The following JMJD1C variants were observed in gnomAD, a reference collection of about 807,000 sequenced individuals.
JMJD1C encodes the protein jumonji domain containing 1C, also known as jumonji domain-containing protein 1C.
JMJD1C carries 31 observed loss-of-function variants against 245.3 expected under a neutral mutation model. The ratio of observed to expected loss-of-function variants is 0.13; its 90% CI spans 0.09 to 0.17. The LOEUF is 0.17. Ranked by LOEUF, JMJD1C falls within the 10% of genes least tolerant of loss-of-function variation. The pLI, the probability that JMJD1C is intolerant of heterozygous loss-of-function variation, is 1.00. For synonymous variants in JMJD1C, 1,057 were observed against 1,017.4 expected, an observed-to-expected ratio of 1.04 and a Z score of -0.74; for missense variants, 2,691 against 3,000.2, an observed-to-expected ratio of 0.90 and a Z score of 2.41.
rs573065816 is a variant in JMJD1C, at chr10:63,292,144, A to ATTTTT, written c.334-27385_334-27381dup. 8.2e-4 allele frequency among the ~76,000 whole-genome samples: 46 copies of ATTTTT among 56,346 alleles called. 7 individuals carry two copies. Among genetic ancestry groups the ATTTTT allele is most frequent in the South Asian group, 3.2e-3 (4 of 1,254 alleles). The allele number at this position is 56,346 out of a possible 152,430, so 37.0% of individuals were successfully genotyped here. A position where few individuals can be genotyped will look rare whatever the true frequency, so the allele number is the denominator to read the frequency against. Reference sequence around the variant, plus strand: ...TTTTTTTTAGTTTCTGTAGAGACAGATTTTTTTTTTTTTTTTTTTGCCTAG... The same window carrying ATTTTT: ...TTTTTTTTAGTTTCTGTAGAGACAGATTTTTTTTTTTTTTTTTTTTTTTTGCCTAG... On this transcript the variant is annotated intron_variant, in intron 2 of 25. Transcript: ENST00000399262.
chr10:63,213,838 T>C lies in JMJD1C; in HGVS notation c.2329A>G (p.Ile777Val), dbSNP rs377284540. Residue 777 changes from isoleucine to valine, a missense_variant, in exon 8 of 26, where the codon ATT (isoleucine) becomes GTT (valine). Physicochemically the swap from Ile to Val is conservative, Grantham distance 29. This residue lies in a region of JMJD1C where 1,562 missense variants were observed against 1,490.7 expected (regional missense o/e 1.05). Coordinates refer to ENST00000399262, the MANE Select transcript of JMJD1C (RefSeq NM_032776.3). ...CCACTAGTCAGAGGATGAGTGTTAA[T>C]GGTAGGTAATGGAGTTTGACTAGAT... ...GSSSQTPLPT[I>V]NTHPLTSGPH... The C allele has an allele frequency of 5.0e-6, 8 of 1,613,920 alleles. No individual in the cohort carries two copies. The highest frequency in any genetic ancestry group is 3.3e-5 in the South Asian group (3 of 91,078).
chr10:63,215,046 T>C lies in JMJD1C; in HGVS notation c.1121A>G (p.Asp374Gly). 6.2e-7 allele frequency: 1 copy of C among 1,607,990 alleles called. No homozygotes were observed. The highest frequency in any genetic ancestry group is 8.5e-7 in the Non-Finnish European group (1 of 1,177,630). ...MKRLRTDNVSDFSESSDSENS... is the reference protein window; with the variant it reads ...MKRLRTDNVSGFSESSDSENS... ...TTCTGAGTCACTGCTCTCAGAAAAG[T>C]CTGAAACATTGTCAGTTCGAAGTCT... The change falls in exon 8 of 26, where the codon GAC becomes GGC. Residue 374 changes from aspartate to glycine, a missense_variant. This residue lies in a region of JMJD1C where 1,562 missense variants were observed against 1,490.7 expected (regional missense o/e 1.05). Transcript: ENST00000399262.
chr10:63,309,506 A>G (rs1938834212), intron 2 of JMJD1C, among the ~76,000 whole-genome samples: 1 of 150,220 alleles, frequency 6.7e-6, no homozygotes, highest in African/African-American at 2.5e-5. Context: ...AAAAAAAAAA[A>G]AAAAAAAAAA....
intron 3 of JMJD1C, among the ~76,000 whole-genome samples, chr10:63,226,564 T>C (rs902820570): frequency 1.3e-5 from 2 of 150,350 alleles, no homozygotes; most frequent in Non-Finnish European, 3.0e-5. Context: ...AATTTAAATA[T>C]CAGCCAGGCA....
At chr10:63,387,629 A>ATATTT (rs1947720390) in intron 1 of JMJD1C, among the ~76,000 whole-genome samples, 1 of 37,840 alleles carries the variant, frequency 2.6e-5, no homozygotes, top group Non-Finnish European at 4.3e-5. Flanking sequence ...GAAAAAAAAA[A>ATATTT]TTTTTTTTTT....
chr10:63,203,149 T>A, intron 10 of JMJD1C: 1 of 984,726 alleles, frequency 1.0e-6, no homozygotes, highest in Non-Finnish European at 1.2e-6. Flanking sequence ...GCTTTTGATA[T>A]TATAATTTTT....
In JMJD1C at chr10:63,242,146, A is replaced by G. The variant is rs778398586; in HGVS notation, c.448-22163T>C. 2.8e-4 allele frequency among the ~76,000 whole-genome samples: 43 copies of G among 152,198 alleles called. 1 individual carries two copies. Among genetic ancestry groups the G allele is most frequent in the Non-Finnish European group, 8.8e-5 (6 of 68,024 alleles). ...ATGCGAAAAGAATGCCAAATGATAT[A>G]CTAAGGGCTAGGGTGATACTGGAGA... On this transcript the variant is annotated intron_variant, in intron 3 of 25. Coordinates refer to ENST00000399262, the MANE Select transcript of JMJD1C (RefSeq NM_032776.3).
At chr10:63,498,551 T>C (rs1056161324) in intron 1 of JMJD1C, among the ~76,000 whole-genome samples, 9 of 152,156 alleles carry the variant, frequency 5.9e-5, no homozygotes, top group Non-Finnish European at 7.4e-5. Flanking sequence ...CATTACTATA[T>C]AGCAAGGCCC....
chr10:63,432,294 G>A (rs117945235), intron 1 of JMJD1C, among the ~76,000 whole-genome samples: 2 of 152,142 alleles, frequency 1.3e-5, no homozygotes, highest in Non-Finnish European at 2.9e-5. Context: ...ACTAGCCCGG[G>A]TGTTCACCTT....
intron 3 of JMJD1C, among the ~76,000 whole-genome samples, chr10:63,246,170 G>A (rs777496911): frequency 2.6e-4 from 40 of 152,204 alleles, no homozygotes; most frequent in Non-Finnish European, 4.4e-4. Context: ...AATAATAACA[G>A]AAAACTTTTC....
At chr10:63,325,130 T>C (rs1483755919) in intron 2 of JMJD1C, among the ~76,000 whole-genome samples, 3 of 152,242 alleles carry the variant, frequency 2.0e-5, no homozygotes, top group Non-Finnish European at 4.4e-5. Context: ...GCTACTGATA[T>C]ATAAACCAGA....
At chr10:63,386,032 G>C (rs1381283774) in intron 1 of JMJD1C, among the ~76,000 whole-genome samples, 2 of 151,886 alleles carry the variant, frequency 1.3e-5, no homozygotes, top group Non-Finnish European at 2.9e-5. Flanking sequence ...CTATTGTAAA[G>C]AATAAACTCT....
At chr10:63,442,987 C>A (rs1256819904) in intron 1 of JMJD1C, among the ~76,000 whole-genome samples, 1 of 152,186 alleles carries the variant, frequency 6.6e-6, no homozygotes, top group African/African-American at 2.4e-5. Context: ...TTAAGTCTCA[C>A]AAGACTGCCA....
intron 2 of JMJD1C, among the ~76,000 whole-genome samples, chr10:63,305,145 G>A (rs1373268009): frequency 2.0e-5 from 3 of 151,866 alleles, no homozygotes; most frequent in Non-Finnish European, 2.9e-5. Context: ...GAGGCGGGCG[G>A]ATCACAAGGT....
chr10:63,309,420 G>A (rs922351052), intron 2 of JMJD1C, among the ~76,000 whole-genome samples: 2 of 149,278 alleles, frequency 1.3e-5, no homozygotes, highest in African/African-American at 2.5e-5. Flanking sequence ...CTTGAACCGG[G>A]GGGGCAGAGG....
chr10:63,472,442 G>A (rs531936334), intron 1 of JMJD1C, among the ~76,000 whole-genome samples: 55 of 151,944 alleles, frequency 3.6e-4, no homozygotes, highest in Non-Finnish European at 7.1e-4. Flanking sequence ...AGCAATTCTC[G>A]TGCCTCAGTC....
intron 2 of JMJD1C, among the ~76,000 whole-genome samples, chr10:63,334,837 T>C (rs1280648742): frequency 1.3e-5 from 2 of 151,912 alleles, no homozygotes; most frequent in Non-Finnish European, 2.9e-5. Context: ...GCCTCCCAAG[T>C]AGTGGGACTA....
At position 63,207,287 on chromosome 10, in the gene JMJD1C, C is replaced by G; in HGVS notation, c.4382G>C (p.Ser1461Thr). 1 of 1,613,810 alleles carries G rather than the reference C, an allele frequency of 6.2e-7. No homozygotes were observed. Among genetic ancestry groups the G allele is most frequent in the Non-Finnish European group, 8.5e-7 (1 of 1,180,028 alleles). The change falls in exon 10 of 26, where the codon AGT (serine) becomes ACT (threonine). Residue 1461 changes from serine to threonine, a missense_variant. Ser to Thr is a moderately conservative substitution (Grantham distance 58, BLOSUM62 1). Around this residue, in one of 9 missense-constraint regions of JMJD1C, gnomAD observed 1,562 missense variants for 1,490.7 expected, o/e 1.05. Transcript: ENST00000399262. The stretch of plus-strand genomic sequence containing the variant: ...GGGTTGAACAACACTTCCTGTCTTA[C>G]TACTGGCTAATGTAACTGGTGCTGT... ...STTAPVTLAS[S>T]KTGSVVQPSS...
intron 17 of JMJD1C, among the ~76,000 whole-genome samples, chr10:63,189,786 G>A (rs1269875056): frequency 6.6e-6 from 1 of 152,010 alleles, no homozygotes; most frequent in Non-Finnish European, 1.5e-5. Context: ...ATGTTGCTCA[G>A]GCTGGTTTCA....
Sources: allele counts gnomAD v4.1 joint callset (sites outside exome capture counted in the v4.1 genomes callset), GRCh38; gene constraint gnomAD v4.1.1; regional missense constraint gnomAD v4.1.1; transcripts MANE v1.5; gene names NCBI Gene and HGNC (gene_info 2026-07-23, HGNC 2026-07-21).